The following PTPRT variants were observed in gnomAD, a reference collection of about 807,000 sequenced individuals.
PTPRT encodes protein tyrosine phosphatase receptor type T.
In PTPRT, 56 loss-of-function variants were observed where a neutral mutation model predicts 176.8. That is an observed-to-expected ratio of 0.32 (90% CI 0.26 to 0.40). The LOEUF (loss-of-function observed/expected upper bound fraction) is 0.40. Among genes scored for constraint, PTPRT ranks in the 10% least tolerant of loss-of-function variants. The pLI, the probability that PTPRT is intolerant of heterozygous loss-of-function variation, is 1.00. For synonymous variants in PTPRT, 783 were observed against 739.0 expected (o/e 1.06, Z -0.96); for missense variants, 1,540 against 1,908.2 (o/e 0.81, Z 3.60).
At chr20:42,904,633 C>T (rs1339713010) in intron 1 of PTPRT, among the ~76,000 whole-genome samples, 2 of 152,112 alleles carry the variant, frequency 1.3e-5, no homozygotes, top group Non-Finnish European at 2.9e-5. Context: ...TAGGGCTCCA[C>T]CCCATGGACC....
chr20:42,133,381 T>G (rs188042854), intron 18 of PTPRT, among the ~76,000 whole-genome samples: 330 of 152,324 alleles, frequency 2.2e-3, no homozygotes, highest in African/African-American at 7.7e-3. Context: ...GTTATCAAGC[T>G]GCAACAGACA....
chr20:42,153,572 A>G (rs1989224517), intron 17 of PTPRT, among the ~76,000 whole-genome samples: 1 of 152,228 alleles, frequency 6.6e-6, no homozygotes. Context: ...AACAATAAAA[A>G]TAGGCTAAAA....
At chr20:42,094,461 G>A (rs1346246473) in intron 27 of PTPRT, among the ~76,000 whole-genome samples, 4 of 151,830 alleles carry the variant, frequency 2.6e-5, no homozygotes, top group Non-Finnish European at 5.9e-5. Context: ...TTACTCTGTC[G>A]CCCTAGGCTA....
intron 9 of PTPRT, among the ~76,000 whole-genome samples, chr20:42,409,109 G>A (rs760641835): frequency 6.6e-6 from 1 of 152,134 alleles, no homozygotes; most frequent in Non-Finnish European, 1.5e-5. Context: ...TCTATTAAAC[G>A]TGGGCTTGTT....
intron 2 of PTPRT, among the ~76,000 whole-genome samples, chr20:42,841,610 TACACAC>T (rs3973897): frequency 0.096 from 13,495 of 140,862 alleles, 624 homozygotes; most frequent in South Asian, 0.11. Context: ...TAGTGTTAAA[TACACAC>T]ACACACACAC....
intron 17 of PTPRT, among the ~76,000 whole-genome samples, chr20:42,157,623 T>TC (rs201059207): frequency 0.012 from 1,816 of 150,568 alleles, 17 homozygotes; most frequent in Non-Finnish European, 0.018. Context: ...TGGGATTTTC[T>TC]TCCCCCCCCA....
intron 26 of PTPRT, among the ~76,000 whole-genome samples, chr20:42,101,567 A>AG (rs759508059): frequency 2.0e-5 from 3 of 152,172 alleles, no homozygotes; most frequent in Non-Finnish European, 2.9e-5. Flanking sequence ...TGGCCCTCAC[A>AG]GGACAGCCAG....
At chr20:42,103,779 G>T (rs1986168135) in intron 25 of PTPRT, among the ~76,000 whole-genome samples, 1 of 152,232 alleles carries the variant, frequency 6.6e-6, no homozygotes, top group African/African-American at 2.4e-5. Context: ...ACACCTGTTT[G>T]TATAAATTTG....
chr20:42,251,875 G>T lies in PTPRT; in HGVS notation c.2177-3053C>A, dbSNP rs529614178. 9.2e-5 allele frequency among the ~76,000 whole-genome samples: 14 copies of T among 152,258 alleles called. No individual in the cohort carries two copies. In the South Asian group the frequency reaches 2.5e-3, roughly 27 times the overall value. On this transcript the variant is annotated intron_variant, in intron 13 of 30. Transcript: ENST00000373187. The stretch of plus-strand genomic sequence containing the variant: ...TGTTCTTTAACCAAAGGAAGACAGG[G>T]CACCATTTAAGTGTTATTCAAGGAG...
At chr20:42,317,157 A>G (rs2057732572) in intron 11 of PTPRT, among the ~76,000 whole-genome samples, 1 of 152,226 alleles carries the variant, frequency 6.6e-6, no homozygotes, top group African/African-American at 2.4e-5. Context: ...CTGGATGCAG[A>G]AACCCTAATC....
chr20:42,605,845 G>A (rs566907948), intron 7 of PTPRT, among the ~76,000 whole-genome samples: 1 of 152,276 alleles, frequency 6.6e-6, no homozygotes, highest in Admixed American at 6.5e-5. Flanking sequence ...CCTGGAGAAT[G>A]TGTCAACATG....
chr20:42,812,447 GCGTACTCTAGATATTA>G (rs2077712239), intron 2 of PTPRT, among the ~76,000 whole-genome samples: 1 of 151,958 alleles, frequency 6.6e-6, no homozygotes, highest in Non-Finnish European at 1.5e-5. Flanking sequence ...CTATGAATTT[GCGTACTCTAGATATTA>G]CTTATAAATG....
At chr20:42,438,802 G>A (rs1057429775) in intron 9 of PTPRT, among the ~76,000 whole-genome samples, 1 of 152,194 alleles carries the variant, frequency 6.6e-6, no homozygotes, top group Non-Finnish European at 1.5e-5. Flanking sequence ...TAGGTAACAA[G>A]TGCTACACAT....
chr20:42,707,352 T>C (rs1222637684), intron 6 of PTPRT, among the ~76,000 whole-genome samples: 1 of 152,138 alleles, frequency 6.6e-6, no homozygotes. Context: ...GAGATAGCAT[T>C]CCCATGAGTA....
intron 15 of PTPRT, among the ~76,000 whole-genome samples, chr20:42,230,912 T>C (rs187165984): frequency 1.8e-4 from 27 of 152,358 alleles, no homozygotes; most frequent in Admixed American, 1.7e-3. Flanking sequence ...TCCATTTTTA[T>C]TGGGCTGTTA....
At chr20:42,752,790 GGTAA>G (rs1399160212) in intron 6 of PTPRT, among the ~76,000 whole-genome samples, 11 of 152,280 alleles carry the variant, frequency 7.2e-5, no homozygotes, top group African/African-American at 2.6e-4. Context: ...GCTCTTGAGA[GGTAA>G]GTGAGTCATT....
intron 13 of PTPRT, among the ~76,000 whole-genome samples, chr20:42,273,078 G>T (rs2147010571): frequency 6.6e-6 from 1 of 152,172 alleles, no homozygotes; most frequent in African/African-American, 2.4e-5. Flanking sequence ...AGCCCTTATT[G>T]GACTTATATT....
At chr20:43,171,223 C>G (rs181669912) in intron 1 of PTPRT, among the ~76,000 whole-genome samples, 74 of 152,054 alleles carry the variant, frequency 4.9e-4, no homozygotes, top group African/African-American at 1.6e-3. Flanking sequence ...TAAGATAAAA[C>G]AGCTACTATT....
At chr20:42,245,655 T>C (rs898605338) in intron 14 of PTPRT, among the ~76,000 whole-genome samples, 1 of 152,184 alleles carries the variant, frequency 6.6e-6, no homozygotes, top group East Asian at 1.9e-4. Context: ...TCTGTCTGTC[T>C]TCTAGTTCTG....
Sources: gnomAD v4.1 joint callset for allele counts (sites outside exome capture counted in the v4.1 genomes callset) on GRCh38, gnomAD v4.1.1 for gene constraint, MANE v1.5 for transcripts, NCBI Gene and HGNC (gene_info 2026-07-23, HGNC 2026-07-21) for gene names.